Variants in TSHZ2 observed in about 807,000 individuals in gnomAD.
TSHZ2 encodes the protein teashirt homolog 2.
A neutral mutation model predicts 74.4 loss-of-function variants in TSHZ2; 21 were observed. That is an observed-to-expected ratio of 0.28 (90% CI 0.20 to 0.41). The LOEUF is 0.41. Among genes scored for constraint, TSHZ2 ranks in the 10% least tolerant of loss-of-function variants. The pLI is 1.00. For synonymous variants in TSHZ2, 540 were observed against 515.3 expected (o/e 1.05, Z -0.65); for missense variants, 1,244 against 1,293.5 (o/e 0.96, Z 0.59).
At chr20:53,214,715 C>T (rs1215381765) in intron 1 of TSHZ2, among the ~76,000 whole-genome samples, 2 of 151,788 alleles carry the variant, frequency 1.3e-5, no homozygotes, top group African/African-American at 4.8e-5. Flanking sequence ...AAGACTGTCT[C>T]AAAATGAAAA....
At chr20:52,996,946 T>C (rs999866927) in intron 1 of TSHZ2, among the ~76,000 whole-genome samples, 3 of 152,184 alleles carry the variant, frequency 2.0e-5, no homozygotes, top group Non-Finnish European at 4.4e-5. Context: ...TAATTATGCT[T>C]AATAGGAGCC....
At chr20:53,170,066 T>A (rs766777771) in intron 1 of TSHZ2, among the ~76,000 whole-genome samples, 1 of 152,196 alleles carries the variant, frequency 6.6e-6, no homozygotes, top group Admixed American at 6.5e-5. Context: ...AAAACAGATG[T>A]GAAAACTGAG....
chr20:53,185,719 G>A, intron 1 of TSHZ2: 1 of 1,535,886 alleles, frequency 6.5e-7, no homozygotes, highest in Non-Finnish European at 8.7e-7. Context: ...TCATCCCTAT[G>A]GCTCTATTCT....
At chr20:53,261,228 G>A (rs1187572241) in intron 2 of TSHZ2, among the ~76,000 whole-genome samples, 3 of 152,198 alleles carry the variant, frequency 2.0e-5, no homozygotes. Flanking sequence ...GCTGAGAGGA[G>A]AAAGGACACT....
intron 1 of TSHZ2, among the ~76,000 whole-genome samples, chr20:53,141,615 A>G (rs759810485): frequency 2.6e-5 from 4 of 152,206 alleles, no homozygotes; most frequent in Admixed American, 2.6e-4. Flanking sequence ...CTCAGCTGTC[A>G]GGGCTGTAAT....
At chr20:53,067,715 C>A (rs566244245) in intron 1 of TSHZ2, among the ~76,000 whole-genome samples, 1 of 152,184 alleles carries the variant, frequency 6.6e-6, no homozygotes, top group Admixed American at 6.5e-5. Flanking sequence ...GTGATAGATA[C>A]GGTCACTTTC....
At chr20:53,446,458 C>T (rs939524942) in intron 2 of TSHZ2, among the ~76,000 whole-genome samples, 5 of 150,484 alleles carry the variant, frequency 3.3e-5, no homozygotes, top group South Asian at 2.1e-4. Flanking sequence ...ACCTGTAGTC[C>T]GTCCCAGCTA....
intron 1 of TSHZ2, among the ~76,000 whole-genome samples, chr20:53,172,082 TTCTG>T (rs1988217726): frequency 6.6e-6 from 1 of 152,258 alleles, no homozygotes; most frequent in Non-Finnish European, 1.5e-5. Context: ...CCTGTCATTT[TTCTG>T]TCTATCTCAC....
At chr20:53,075,531 A>C (rs1443017992) in intron 1 of TSHZ2, among the ~76,000 whole-genome samples, 1 of 152,202 alleles carries the variant, frequency 6.6e-6, no homozygotes, top group African/African-American at 2.4e-5. Context: ...TTAGTTTCTG[A>C]TACTAACCTT....
intron 1 of TSHZ2, among the ~76,000 whole-genome samples, chr20:53,142,530 T>C (rs920678795): frequency 6.6e-6 from 1 of 152,244 alleles, no homozygotes; most frequent in East Asian, 1.9e-4. Context: ...GGAAGGAAGA[T>C]AAGGCCAGAG....
chr20:53,157,161 T>G (rs1987814174), intron 1 of TSHZ2, among the ~76,000 whole-genome samples: 1 of 152,200 alleles, frequency 6.6e-6, no homozygotes, highest in African/African-American at 2.4e-5. Context: ...TTACCCTCTA[T>G]GAGCAAAGAA....
intron 1 of TSHZ2, among the ~76,000 whole-genome samples, chr20:53,212,477 T>A (rs968369904): frequency 6.6e-6 from 1 of 152,218 alleles, no homozygotes. Flanking sequence ...GAAGATGTGA[T>A]GGACATTCGT....
intron 1 of TSHZ2, among the ~76,000 whole-genome samples, chr20:53,004,066 T>A (rs1286969719): frequency 6.6e-6 from 1 of 151,682 alleles, no homozygotes; most frequent in Non-Finnish European, 1.5e-5. Context: ...TATAGAGGAG[T>A]TGTTTTGTTC....
intron 1 of TSHZ2, among the ~76,000 whole-genome samples, chr20:53,009,733 C>T (rs1408043162): frequency 6.6e-6 from 1 of 152,194 alleles, no homozygotes; most frequent in Non-Finnish European, 1.5e-5. Flanking sequence ...CAAACTCAGA[C>T]TTTTCAGATA....
chr20:53,303,741 C>T (rs1978402000), intron 2 of TSHZ2, among the ~76,000 whole-genome samples: 1 of 152,196 alleles, frequency 6.6e-6, no homozygotes, highest in Non-Finnish European at 1.5e-5. Context: ...CCTCTCTGTT[C>T]TTCAGTTTCC....
rs1423018028 is a variant in TSHZ2 at position 53,494,499 on chromosome 20, C to T, written c.*7364C>T. 2.6e-5 allele frequency: 4 copies of T among 151,868 alleles called. No individual in the cohort carries two copies. The highest frequency in any genetic ancestry group is 9.7e-5 in the African/African-American group (4 of 41,340). 9.4% of individuals were successfully genotyped at this position (151,868 alleles called of 1,614,324 possible). A position where few individuals can be genotyped will look rare whatever the true frequency, so the allele number is the denominator to read the frequency against. On this transcript the variant is annotated 3_prime_UTR_variant, in exon 3 of 3. Transcript: ENST00000371497. ...TAAGATGTATGCCTGTGTGTGGTGC[C>T]GCAGCATTGAAATTATCTGTAGAAG...
intron 1 of TSHZ2, among the ~76,000 whole-genome samples, chr20:53,206,364 A>C (rs1011260958): frequency 3.3e-5 from 5 of 152,252 alleles, no homozygotes; most frequent in South Asian, 2.1e-4. Flanking sequence ...AGTAGCCATT[A>C]TTACTAAATA....
chr20:53,128,330 C>G (rs1242163381), intron 1 of TSHZ2, among the ~76,000 whole-genome samples: 4 of 152,198 alleles, frequency 2.6e-5, no homozygotes, highest in Admixed American at 2.6e-4. Flanking sequence ...CCAGCTACAT[C>G]CTGCTCTGTT....
chr20:52,983,685 T>G (rs1350408242), intron 1 of TSHZ2, among the ~76,000 whole-genome samples: 2 of 152,388 alleles, frequency 1.3e-5, no homozygotes, highest in African/African-American at 4.8e-5. Flanking sequence ...CTGAATCTTG[T>G]ATTTTGCGCA....
Sources: allele counts gnomAD v4.1 joint callset (sites outside exome capture counted in the v4.1 genomes callset), GRCh38; gene constraint gnomAD v4.1.1; transcripts MANE v1.5; gene names NCBI Gene and HGNC (gene_info 2026-07-23, HGNC 2026-07-21).